TSHZ2: variants seen among roughly 807,000 people sequenced by gnomAD.
TSHZ2 encodes teashirt zinc finger homeobox 2.
In TSHZ2, 21 loss-of-function variants were observed where a neutral mutation model predicts 74.4. The ratio of observed to expected loss-of-function variants is 0.28; its 90% CI spans 0.20 to 0.41. The LOEUF (loss-of-function observed/expected upper bound fraction) is 0.41. TSHZ2 is among the 10% of genes least tolerant of loss of function. The probability of loss-of-function intolerance (pLI) is 1.00; values close to 1 mark genes in which losing one functional copy is unlikely to be tolerated. For missense variants in TSHZ2, 1,244 were observed against 1,293.5 expected, an observed-to-expected ratio of 0.96 and a Z score of 0.59; for synonymous variants, 540 against 515.3, an observed-to-expected ratio of 1.05 and a Z score of -0.65.
chr20:53,440,264 G>A (rs1984261307), intron 2 of TSHZ2, among the ~76,000 whole-genome samples: 1 of 152,192 alleles, frequency 6.6e-6, no homozygotes, highest in Non-Finnish European at 1.5e-5. Flanking sequence ...GAGAATCATG[G>A]TGCGTAATTG....
At chr20:53,296,738 A>T (rs185023534) in intron 2 of TSHZ2, among the ~76,000 whole-genome samples, 1 of 152,306 alleles carries the variant, frequency 6.6e-6, no homozygotes, top group East Asian at 1.9e-4. Context: ...TACATCTCTT[A>T]TCTTTTCCCT....
chr20:53,390,075 A>T (rs1269726563), intron 2 of TSHZ2, among the ~76,000 whole-genome samples: 2 of 152,238 alleles, frequency 1.3e-5, no homozygotes, highest in African/African-American at 2.4e-5. Context: ...GGCAGCAGAG[A>T]GAGCGACTTT....
At chr20:53,227,269 C>G (rs1283549191) in intron 1 of TSHZ2, among the ~76,000 whole-genome samples, 1 of 151,776 alleles carries the variant, frequency 6.6e-6, no homozygotes, top group Non-Finnish European at 1.5e-5. Flanking sequence ...GTCAGTGGGT[C>G]TCCCGTGCAG....
At chr20:53,272,479 G>A (rs879296483) in intron 2 of TSHZ2, among the ~76,000 whole-genome samples, 11 of 152,146 alleles carry the variant, frequency 7.2e-5, no homozygotes, top group Non-Finnish European at 1.2e-4. Context: ...AGAAGAGAGA[G>A]GGAGAAAGGG....
rs557176440 is a variant in TSHZ2, at chr20:53,339,379, T to G, written c.*8+82808T>G. 5.5e-4 allele frequency among the ~76,000 whole-genome samples: 84 copies of G among 152,188 alleles called. No individual in the cohort carries two copies. The Middle Eastern group carries it at 0.017, about 31-fold the overall frequency. On this transcript the variant is annotated intron_variant, in intron 2 of 2. Transcript: ENST00000371497. ...CCAGCCTCAAGCTCTCATAGTATTT[T>G]CTGGTGGTCAAGGGCCAGGGCATTA...
intron 2 of TSHZ2, among the ~76,000 whole-genome samples, chr20:53,362,158 T>A (rs1186631918): frequency 6.6e-6 from 1 of 150,888 alleles, no homozygotes; most frequent in Non-Finnish European, 1.5e-5. Context: ...TGAGCCACCG[T>A]GCCCAGCCTC....
intron 1 of TSHZ2, among the ~76,000 whole-genome samples, chr20:53,122,636 G>A (rs528415408): frequency 1.6e-4 from 24 of 152,234 alleles, no homozygotes; most frequent in African/African-American, 5.1e-4. Context: ...ACGGGGAGAC[G>A]TTCATCACAC....
chr20:53,364,615 G>A (rs890765637), intron 2 of TSHZ2, among the ~76,000 whole-genome samples: 11 of 152,240 alleles, frequency 7.2e-5, no homozygotes, highest in African/African-American at 2.4e-4. Flanking sequence ...GTAGTCAACA[G>A]GGAAGGTTCA....
intron 2 of TSHZ2, among the ~76,000 whole-genome samples, chr20:53,267,269 G>A (rs1308553782): frequency 6.6e-6 from 1 of 152,196 alleles, no homozygotes; most frequent in African/African-American, 2.4e-5. Context: ...CCCAGGCAGA[G>A]GGCAGAGCCT....
At chr20:53,104,077 G>A (rs1001758724) in intron 1 of TSHZ2, among the ~76,000 whole-genome samples, 3 of 152,178 alleles carry the variant, frequency 2.0e-5, no homozygotes, top group African/African-American at 7.2e-5. Flanking sequence ...TCTGAAGTGG[G>A]AGGAAATGGA....
At chr20:53,114,058 C>A (rs555632985) in intron 1 of TSHZ2, among the ~76,000 whole-genome samples, 4 of 147,394 alleles carry the variant, frequency 2.7e-5, no homozygotes, top group African/African-American at 1.0e-4. Context: ...CATGCTACCA[C>A]ATTTCAGCCT....
intron 1 of TSHZ2, among the ~76,000 whole-genome samples, chr20:53,150,294 T>C: frequency 6.6e-6 from 1 of 152,184 alleles, no homozygotes; most frequent in East Asian, 1.9e-4. Flanking sequence ...CAGATGATTT[T>C]GATAACTTCC....
At chr20:53,421,680 G>GGTTTTTTTTTT (rs1983471350) in intron 2 of TSHZ2, 2 of 110,258 alleles carry the variant, frequency 1.8e-5, no homozygotes, top group African/African-American at 7.3e-5. Context: ...TTATGTTTTT[G>GGTTTTTTTTTT]GTTTTTTTTT....
intron 1 of TSHZ2, among the ~76,000 whole-genome samples, chr20:53,182,072 G>T (rs1988483089): frequency 6.6e-6 from 1 of 151,906 alleles, no homozygotes; most frequent in Admixed American, 6.6e-5. Flanking sequence ...GCCACATATA[G>T]TGCCTAGGCC....
Position 53,494,224 on chromosome 20 carries a change from G to A in TSHZ2, c.*7089G>A, listed in dbSNP as rs1369373120. ...AATTGCTTGAGCCCGGGAGGCGAAGGTTGCAGTGAGCTGAGATGGTGCCAC... is the reference window on the plus strand; with the variant it reads ...AATTGCTTGAGCCCGGGAGGCGAAGATTGCAGTGAGCTGAGATGGTGCCAC... On this transcript the variant is annotated 3_prime_UTR_variant, in exon 3 of 3. Transcript: ENST00000371497. 1 of 152,066 alleles carries A rather than the reference G, an allele frequency of 6.6e-6. No individual in the cohort carries two copies. Among genetic ancestry groups the A allele is most frequent in the African/African-American group, 2.4e-5 (1 of 41,330 alleles). The allele number at this position is 152,066 out of a possible 1,614,324, so 9.4% of individuals were successfully genotyped here.
chr20:53,257,728 A>G (rs1459513938), intron 2 of TSHZ2, among the ~76,000 whole-genome samples: 1 of 152,198 alleles, frequency 6.6e-6, no homozygotes, highest in Non-Finnish European at 1.5e-5. Context: ...TGGGAACCCA[A>G]CCTGAACTAA....
chr20:53,304,283 T>C (rs1978428737), intron 2 of TSHZ2, among the ~76,000 whole-genome samples: 1 of 149,826 alleles, frequency 6.7e-6, no homozygotes, highest in South Asian at 2.1e-4. Flanking sequence ...AGTAAACTTT[T>C]ATTGGAAGGT....
chr20:53,175,131 C>CTTT (rs750453219), intron 1 of TSHZ2, among the ~76,000 whole-genome samples: 1,793 of 63,574 alleles, frequency 0.028, 185 homozygotes, highest in East Asian at 0.088. Flanking sequence ...CTTCTTCTTT[C>CTTT]TTTTTTTTTT....
chr20:53,406,632 A>T (rs1433138840), intron 2 of TSHZ2, among the ~76,000 whole-genome samples: 3 of 152,144 alleles, frequency 2.0e-5, no homozygotes, highest in Non-Finnish European at 4.4e-5. Context: ...CAAATATATC[A>T]TATCTACCAT....
Sources: allele counts gnomAD v4.1 joint callset (sites outside exome capture counted in the v4.1 genomes callset), GRCh38; gene constraint gnomAD v4.1.1; transcripts MANE v1.5; gene names NCBI Gene and HGNC (gene_info 2026-07-23, HGNC 2026-07-21).